ZNF83: variants seen among roughly 807,000 people sequenced by gnomAD.
The protein encoded by ZNF83 is zinc finger protein 816B.
For synonymous variants in ZNF83, 209 were observed against 213.0 expected (o/e 0.98, Z 0.17); for missense variants, 552 against 629.9 (o/e 0.88, Z 1.32).
At chr19:52,638,731 A>G (rs545513017), upstream of ZNF83, among the ~76,000 whole-genome samples, 6 of 152,272 alleles carry the variant, frequency 3.9e-5, no homozygotes, top group South Asian at 1.0e-3. Context: ...CACTTGGGAG[A>G]GAGTCCACGC....
chr19:52,646,277 G>A (rs1162971758), intron 3 of ZNF83, among the ~76,000 whole-genome samples: 1 of 152,100 alleles, frequency 6.6e-6, no homozygotes, highest in Non-Finnish European at 1.5e-5. Flanking sequence ...AGGTGTGATG[G>A]CTAATCCCTG....
intron 1 of ZNF83, among the ~76,000 whole-genome samples, chr19:52,672,866 G>A (rs577689554): frequency 6.6e-6 from 1 of 152,036 alleles, no homozygotes; most frequent in South Asian, 2.1e-4. Flanking sequence ...ATGAGCCACC[G>A]TGCATGGCAA....
chr19:52,654,448 G>T, intron 3 of ZNF83: 2 of 755,436 alleles, frequency 2.6e-6, no homozygotes, highest in Non-Finnish European at 4.1e-6. Context: ...AGTACAGATG[G>T]TAAATAATAT....
intron 2 of ZNF83, among the ~76,000 whole-genome samples, chr19:52,658,136 C>CA (rs34503824): frequency 0.029 from 3,036 of 103,718 alleles, 42 homozygotes; most frequent in Middle Eastern, 0.036. Flanking sequence ...AACTTCATCT[C>CA]AAAAAAAAAA....
chr19:52,659,824 T>G (rs535749392), intron 2 of ZNF83, among the ~76,000 whole-genome samples: 2 of 152,174 alleles, frequency 1.3e-5, no homozygotes, highest in Admixed American at 6.5e-5. Context: ...AATTCAGAGA[T>G]AGAGAAAGAA....
At chr19:52,671,244 A>T (rs1207819689) in intron 1 of ZNF83, among the ~76,000 whole-genome samples, 1 of 152,200 alleles carries the variant, frequency 6.6e-6, no homozygotes, top group Non-Finnish European at 1.5e-5. Flanking sequence ...AATTTGGACA[A>T]GATAAAAAAA....
At chr19:52,672,282 T>C (rs940038211) in intron 1 of ZNF83, among the ~76,000 whole-genome samples, 1 of 152,216 alleles carries the variant, frequency 6.6e-6, no homozygotes, top group African/African-American at 2.4e-5. Context: ...ACCTCATTTC[T>C]GCATGTAATA....
At chr19:52,666,245 GA>G (rs2061651308) in intron 1 of ZNF83, among the ~76,000 whole-genome samples, 2 of 151,770 alleles carry the variant, frequency 1.3e-5, no homozygotes, top group Non-Finnish European at 2.9e-5. Context: ...GTCAAAGAGA[GA>G]GGGAGAAAGA....
In ZNF83 at chr19:52,662,555, T is replaced by C. The variant is rs141886374; in HGVS notation, c.-282-1712A>G. ...TAATTACCTGTTTTTTCCATTCTGG[T>C]ACTTGTGTTTTTTATATTTTTGGAG... is the stretch of plus-strand genomic sequence containing the variant. On this transcript the variant is annotated intron_variant, in intron 1 of 5. Coordinates refer to the ZNF83 transcript ENST00000594682. Among the ~76,000 whole-genome samples the C allele has an allele frequency of 2.6e-3, 395 of 152,324 alleles. 3 individuals are homozygous for C. Among genetic ancestry groups the C allele is most frequent in the Non-Finnish European group, 4.0e-3 (271 of 68,042 alleles).
At chr19:52,612,825 T>C (rs1196825526) in exon 3 of ZNF83, 7 of 505,980 alleles carry the variant, frequency 1.4e-5, no homozygotes, top group Non-Finnish European at 2.0e-5. Flanking sequence ...GTCTCAGATT[T>C]TACCTTAAGA....
At chr19:52,631,606 C>G (rs2060963239) in intron 2 of ZNF83, among the ~76,000 whole-genome samples, 1 of 152,234 alleles carries the variant, frequency 6.6e-6, no homozygotes, top group African/African-American at 2.4e-5. Context: ...TACCATTGTT[C>G]CTGGCCCGGA....
At chr19:52,652,016 CA>C in intron 3 of ZNF83, 1 of 199,722 alleles carries the variant, frequency 5.0e-6, no homozygotes, top group South Asian at 9.7e-5. Context: ...ACAATTATCT[CA>C]AAAATGAATT....
At chr19:52,664,789 G>T (rs948276702) in intron 1 of ZNF83, among the ~76,000 whole-genome samples, 1 of 151,812 alleles carries the variant, frequency 6.6e-6, no homozygotes, top group African/African-American at 2.4e-5. Context: ...GGGCTGTGAG[G>T]GGTTCGCAGG....
chr19:52,683,254 G>C (rs993342717), intron 1 of ZNF83, among the ~76,000 whole-genome samples: 1 of 144,586 alleles, frequency 6.9e-6, no homozygotes, highest in East Asian at 2.1e-4. Flanking sequence ...GTGTGTGTGT[G>C]TGTGTGTGTG....
intron 2 of ZNF83, among the ~76,000 whole-genome samples, chr19:52,615,795 A>G (rs952442202): frequency 1.3e-5 from 2 of 152,206 alleles, no homozygotes; most frequent in Non-Finnish European, 2.9e-5. Flanking sequence ...GAAAAGTTAG[A>G]TGGATGAAAA....
chr19:52,674,139 C>T (rs1248133522), intron 1 of ZNF83: 2 of 152,018 alleles, frequency 1.3e-5, no homozygotes, highest in Non-Finnish European at 1.5e-5. Flanking sequence ...GGTTAAAAAG[C>T]CCTCAAATGA....
intron 2 of ZNF83, among the ~76,000 whole-genome samples, chr19:52,619,471 C>G (rs1012427675): frequency 6.6e-6 from 1 of 151,880 alleles, no homozygotes; most frequent in African/African-American, 2.4e-5. Context: ...ACTAAAAATA[C>G]AAAAATTAGC....
intron 1 of ZNF83, among the ~76,000 whole-genome samples, chr19:52,673,881 T>C (rs12980264): frequency 0.26 from 39,649 of 150,976 alleles, 5,397 homozygotes; most frequent in Non-Finnish European, 0.29. Context: ...CCGGGCCTGG[T>C]GGTGTGTGCC....
intron 2 of ZNF83, among the ~76,000 whole-genome samples, chr19:52,622,714 C>T (rs564911438): frequency 1.3e-5 from 2 of 151,482 alleles, no homozygotes; most frequent in South Asian, 4.1e-4. Context: ...GCCCTAGACC[C>T]TGAAGGGTCA....
Sources: gnomAD v4.1 joint callset for allele counts (sites outside exome capture counted in the v4.1 genomes callset) on GRCh38, gnomAD v4.1.1 for gene constraint, MANE v1.5 for transcripts, NCBI Gene and HGNC (gene_info 2026-07-23, HGNC 2026-07-21) for gene names.